KNL1: variants seen among roughly 807,000 people sequenced by gnomAD.
KNL1 encodes kinetochore scaffold 1, also known as outer kinetochore KNL1 complex subunit KNL1.
A neutral mutation model predicts 201.3 loss-of-function variants in KNL1; 66 were observed. That is an observed-to-expected ratio of 0.33 (90% confidence interval 0.27 to 0.40). The LOEUF (loss-of-function observed/expected upper bound fraction) is 0.40, where lower values mean the gene tolerates loss of function less well. KNL1 is among the 10% of genes least tolerant of loss of function. The pLI, the probability that KNL1 is intolerant of heterozygous loss-of-function variation, is 1.00. For synonymous variants in KNL1, 895 were observed against 899.2 expected (o/e 1.00, Z 0.08); for missense variants, 2,815 against 2,690.5 (o/e 1.05, Z -1.02).
intron 14 of KNL1, among the ~76,000 whole-genome samples, chr15:40,643,724 G>A (rs763235604): frequency 1.3e-5 from 2 of 152,186 alleles, no homozygotes; most frequent in African/African-American, 4.8e-5. Flanking sequence ...CTTTATAAGC[G>A]AAATGTTTCA....
At chr15:40,606,787 G>T (rs1183270589) in intron 4 of KNL1, among the ~76,000 whole-genome samples, 4 of 151,914 alleles carry the variant, frequency 2.6e-5, no homozygotes, top group Admixed American at 6.6e-5. Context: ...TTAGAAACAG[G>T]GTCTGACTGT....
intron 4 of KNL1, among the ~76,000 whole-genome samples, chr15:40,606,851 C>T (rs1027581737): frequency 1.3e-5 from 2 of 152,230 alleles, no homozygotes; most frequent in African/African-American, 4.8e-5. Context: ...CCTCCTCCCC[C>T]TGGGCTCAAG....
chr15:40,619,957 T>A (rs1226783058), intron 9 of KNL1, among the ~76,000 whole-genome samples: 1 of 152,086 alleles, frequency 6.6e-6, no homozygotes, highest in Admixed American at 6.5e-5. Flanking sequence ...ATAGATTGGG[T>A]ATTACTCTGT....
intron 3 of KNL1, among the ~76,000 whole-genome samples, chr15:40,606,122 C>T (rs1281237537): frequency 6.6e-6 from 1 of 152,144 alleles, no homozygotes; most frequent in African/African-American, 2.4e-5. Flanking sequence ...CTAGACAGAG[C>T]TATGTGTTTT....
In KNL1 at chr15:40,606,452, G is replaced by T; in HGVS notation, c.135G>T (p.Gln45His). 1 of 1,518,752 alleles carries T rather than the reference G, an allele frequency of 6.6e-7. No individual in the cohort carries two copies. The highest frequency in any genetic ancestry group is 9.1e-7 in the Non-Finnish European group (1 of 1,094,066). The allele number at this position is 1,518,752 out of a possible 1,614,324, so 94.1% of individuals were successfully genotyped here. ...QDLRGGNERV[Q>H]ESNALRNKKN... ...TCAGAGGTGGGAATGAAAGAGTTCA[G>T]GTAAGTCTTTTGTGCAAATACTTTA... Residue 45 changes from glutamine to histidine, a missense_variant and splice_region_variant, in exon 4 of 26, where the codon CAG becomes CAT. Gln to His is a conservative substitution (Grantham distance 24, BLOSUM62 0). Transcript: ENST00000399668.
chr15:40,656,000 C>A (rs1893719221), intron 22 of KNL1, among the ~76,000 whole-genome samples: 1 of 152,010 alleles, frequency 6.6e-6, no homozygotes, highest in Non-Finnish European at 1.5e-5. Context: ...CTGTTATGAG[C>A]ACTTAGTCTG....
At chr15:40,632,000 C>G (rs1279182807) in intron 13 of KNL1, among the ~76,000 whole-genome samples, 1 of 148,316 alleles carries the variant, frequency 6.7e-6, no homozygotes, top group Non-Finnish European at 1.5e-5. Context: ...CAGAACAAGA[C>G]CCTATCTCAA....
chr15:40,639,425 A>G (rs533408125), intron 13 of KNL1, among the ~76,000 whole-genome samples: 1 of 151,862 alleles, frequency 6.6e-6, no homozygotes, highest in East Asian at 2.0e-4. Flanking sequence ...ATATCTACTA[A>G]AGATACAAAA....
At chr15:40,645,893 C>T (rs1014293383) in intron 16 of KNL1, 121 bp downstream of exon 16, 18 of 503,936 alleles carry the variant, frequency 3.6e-5, no homozygotes, top group Non-Finnish European at 5.7e-5. Flanking sequence ...AAAAACTTAA[C>T]AATTAAGAGG....
chr15:40,651,958 G>A, intron 20 of KNL1, 47 bp from the exon 21 acceptor site: 1 of 1,371,024 alleles, frequency 7.3e-7, no homozygotes, highest in Non-Finnish European at 1.0e-6. Context: ...TCTCTTTTAT[G>A]TTAATTTTAA....
rs1233641824 is a variant in KNL1 at position 40,650,591 on chromosome 15, T to G, written c.6212+8T>G. Reference sequence around the variant, plus strand: ...AGAAGAGGAGCTTCAAAGGTCAGCCTTCAATCCAAGTGTTAGAAAATATAA... The same window carrying G: ...AGAAGAGGAGCTTCAAAGGTCAGCCGTCAATCCAAGTGTTAGAAAATATAA... On this transcript the variant is annotated splice_region_variant and intron_variant, in intron 19 of 25. Coordinates refer to ENST00000399668, the MANE Select transcript of KNL1 (RefSeq NM_144508.5). 1 of 1,559,324 alleles carries G rather than the reference T, an allele frequency of 6.4e-7. No individual in the cohort carries two copies. The highest frequency in any genetic ancestry group is 8.6e-7 in the Non-Finnish European group (1 of 1,159,782).
intron 22 of KNL1, among the ~76,000 whole-genome samples, chr15:40,656,365 G>A (rs919829701): frequency 6.6e-6 from 1 of 151,406 alleles, no homozygotes; most frequent in Admixed American, 6.6e-5. Context: ...TCCGGGAGGC[G>A]GAGGTTGCAG....
intron 1 of KNL1, among the ~76,000 whole-genome samples, chr15:40,602,161 G>A (rs1453300546): frequency 1.3e-5 from 2 of 151,542 alleles, no homozygotes; most frequent in Non-Finnish European, 2.9e-5. Flanking sequence ...TGATTAGCTG[G>A]GATTACAGGC....
At chr15:40,605,244 C>T in intron 3 of KNL1, 95 bp downstream of exon 3, 1 of 693,632 alleles carries the variant, frequency 1.4e-6, no homozygotes, top group Non-Finnish European at 2.6e-6. Context: ...CCATCCTACC[C>T]TTACTGGCTT....
intron 20 of KNL1, 22 bp from the exon 21 acceptor site, chr15:40,651,983 A>G: frequency 6.3e-7 from 1 of 1,577,578 alleles, no homozygotes; most frequent in Non-Finnish European, 8.7e-7. Context: ...GCTTTTTAAA[A>G]ATCTTGTTTA....
rs1893212035 is a variant in KNL1, at chr15:40,641,000, G to A, written c.5771G>A (p.Cys1924Tyr). The change falls in exon 14 of 26, where the codon TGT becomes TAT. Residue 1924 changes from cysteine (C) to tyrosine (Y), a missense_variant. Physicochemically the swap from Cys to Tyr is radical, Grantham distance 194. Around this residue, in one of 3 missense-constraint regions of KNL1, gnomAD observed 2,464 missense variants for 2,291.7 expected, o/e 1.08. Transcript: ENST00000399668. ...AAGATACAGATTTATAGAGAAGATT[G>A]TGAGGCTCGTCGCCAAAAGATTGAA... The part of the protein sequence containing the change: ...RPKIQIYRED[C>Y]EARRQKIEEL... 1 of 1,611,690 alleles carries A rather than the reference G, an allele frequency of 6.2e-7. No homozygotes were observed. The highest frequency in any genetic ancestry group is 2.2e-5 in the East Asian group (1 of 44,844).
chr15:40,642,187 CAGG>C (rs1567018042), intron 14 of KNL1, among the ~76,000 whole-genome samples: 1 of 152,136 alleles, frequency 6.6e-6, no homozygotes, highest in African/African-American at 2.4e-5. Flanking sequence ...ATCACGAGGT[CAGG>C]AGATCGAGAC....
chr15:40,646,905 A>T, intron 16 of KNL1, 82 bp from the exon 17 acceptor site: 3 of 587,972 alleles, frequency 5.1e-6, no homozygotes, highest in East Asian at 3.4e-5. Flanking sequence ...ATCATGATAG[A>T]GCGATTATGT....
At chr15:40,605,928 C>T (rs1891956142) in intron 3 of KNL1, among the ~76,000 whole-genome samples, 1 of 152,136 alleles carries the variant, frequency 6.6e-6, no homozygotes. Flanking sequence ...AGATTCTTTC[C>T]CTATAATTAC....
Sources: allele counts gnomAD v4.1 joint callset (sites outside exome capture counted in the v4.1 genomes callset), GRCh38; gene constraint gnomAD v4.1.1; regional missense constraint gnomAD v4.1.1; transcripts MANE v1.5; gene names NCBI Gene and HGNC (gene_info 2026-07-23, HGNC 2026-07-21).